Variants in GPR149 observed in about 807,000 individuals in gnomAD.
The protein encoded by GPR149 is G protein-coupled receptor 149.
In GPR149, 50 loss-of-function variants were observed where a neutral mutation model predicts 50.2. The ratio of observed to expected loss-of-function variants is 1.00; its 90% CI spans 0.79 to 1.26. GPR149 has a LOEUF of 1.26. Ranked by LOEUF, GPR149 falls within the 50% of genes most tolerant of loss-of-function variation. The pLI, the probability that GPR149 is intolerant of heterozygous loss-of-function variation, is 0.00. For missense variants in GPR149, 983 were observed against 895.4 expected (o/e 1.10, Z -1.25); for synonymous variants, 405 against 358.2 (o/e 1.13, Z -1.48).
rs116840639 is a variant in GPR149 at position 154,347,235 on chromosome 3, C to T, written c.1624-8964G>A. Among the ~76,000 whole-genome samples, 1,197 of 152,234 alleles carry T rather than the reference C, an allele frequency of 7.9e-3. 17 individuals carry two copies. Among genetic ancestry groups the T allele is most frequent in the African/African-American group, 0.028 (1,150 of 41,522 alleles). Reference sequence around the variant, plus strand: ...CCCATGCTGCTAATAAAGACACACACGAGGCTAGGTAATTTATAAAAGAAA... The same window carrying T: ...CCCATGCTGCTAATAAAGACACACATGAGGCTAGGTAATTTATAAAAGAAA... On this transcript the variant is annotated intron_variant, in intron 3 of 3. Coordinates refer to ENST00000389740, the MANE Select transcript of GPR149 (RefSeq NM_001038705.3).
Position 154,389,781 on chromosome 3 carries a change from T to C in GPR149, c.1623+31258A>G, listed in dbSNP as rs1313307092. On this transcript the variant is annotated intron_variant, in intron 3 of 3. Transcript: ENST00000389740. ...AGAGGATTAATGAAATCTGGCATATTATAGCTACCTGGGAGCTAATGAGAC... is the reference window on the plus strand; with the variant it reads ...AGAGGATTAATGAAATCTGGCATATCATAGCTACCTGGGAGCTAATGAGAC... 2.6e-5 allele frequency among the ~76,000 whole-genome samples: 4 copies of C among 152,164 alleles called. No individual in the cohort carries two copies. The East Asian group carries it at 7.7e-4, about 29-fold the overall frequency.
chr3:154,368,350 T>C (rs1714590338), intron 3 of GPR149, among the ~76,000 whole-genome samples: 1 of 152,264 alleles, frequency 6.6e-6, no homozygotes, highest in African/African-American at 2.4e-5. Flanking sequence ...AGGATCCCTC[T>C]TCATGGTACC....
rs571325304 is a variant in GPR149, at chr3:154,344,795, C to T, written c.1624-6524G>A. On this transcript the variant is annotated intron_variant, in intron 3 of 3. Coordinates refer to ENST00000389740, the MANE Select transcript of GPR149 (RefSeq NM_001038705.3). ...CAAGAGCTTATAGAGGGAGCATGGT[C>T]TTCCCAACACCATATTTCAGACTTC... Among the ~76,000 whole-genome samples, 11 of 152,314 alleles carry T rather than the reference C, an allele frequency of 7.2e-5. No homozygotes were observed. In the East Asian group the frequency reaches 2.1e-3, roughly 29 times the overall value.
At position 154,337,544 on chromosome 3, in the gene GPR149, C is replaced by T. The variant is rs1713682771; in HGVS notation, c.*155G>A. On this transcript the variant is annotated 3_prime_UTR_variant, in exon 4 of 4. Coordinates refer to ENST00000389740, the MANE Select transcript of GPR149 (RefSeq NM_001038705.3). ...CACATCAAATGCACTTAAGTGTTTA[C>T]ACTAGTTCCAGTTGTTCCCACAAAA... 1 of 561,474 alleles carries T rather than the reference C, an allele frequency of 1.8e-6. No homozygotes were observed. 34.8% of individuals were successfully genotyped at this position (561,474 alleles called of 1,614,324 possible).
chr3:154,341,438 G>T (rs1713798731), intron 3 of GPR149, among the ~76,000 whole-genome samples: 2 of 149,204 alleles, frequency 1.3e-5, no homozygotes, highest in Middle Eastern at 3.5e-3. Context: ...AGAGAGTTTA[G>T]TAAGGTGGCT....
intron 3 of GPR149, among the ~76,000 whole-genome samples, chr3:154,350,357 G>A (rs1714045725): frequency 6.6e-6 from 1 of 152,100 alleles, no homozygotes; most frequent in African/African-American, 2.4e-5. Flanking sequence ...AAGGTCACAG[G>A]ATATAAGATA....
At chr3:154,343,937 C>T (rs555037139) in intron 3 of GPR149, among the ~76,000 whole-genome samples, 2 of 152,108 alleles carry the variant, frequency 1.3e-5, no homozygotes, top group Non-Finnish European at 1.5e-5. Flanking sequence ...CATGATCACG[C>T]CACTGCATTC....
chr3:154,362,822 T>G (rs2108396214), intron 3 of GPR149, among the ~76,000 whole-genome samples: 1 of 152,234 alleles, frequency 6.6e-6, no homozygotes, highest in East Asian at 1.9e-4. Context: ...ACAGTTGTTT[T>G]TCCCAAACAA....
chr3:154,426,532 C>T (rs1322621242), intron 2 of GPR149, among the ~76,000 whole-genome samples: 1 of 152,186 alleles, frequency 6.6e-6, no homozygotes, highest in African/African-American at 2.4e-5. Flanking sequence ...GTTAATGCAG[C>T]ATACACTAAT....
Position 154,364,874 on chromosome 3 carries a change from C to A in GPR149, c.1624-26603G>T, listed in dbSNP as rs1025903934. 3.9e-5 allele frequency among the ~76,000 whole-genome samples: 6 copies of A among 152,268 alleles called. No homozygotes were observed. The South Asian group carries it at 8.3e-4, about 21-fold the overall frequency. On this transcript the variant is annotated intron_variant, in intron 3 of 3. Transcript: ENST00000389740. ...TGGCAGTTCTAGAGTTCTGGAGTTT[C>A]AGGGCAGCCTTACTCCCACAGCTTC... is the stretch of plus-strand genomic sequence containing the variant.
At position 154,421,345 on chromosome 3, in the gene GPR149, T is replaced by A. The variant is rs761832080; in HGVS notation, c.1317A>T (p.Lys439Asn). The change falls in exon 3 of 4, where the codon AAA becomes AAT. Residue 439 changes from lysine to asparagine, a missense_variant. Coordinates refer to ENST00000389740, the MANE Select transcript of GPR149 (RefSeq NM_001038705.3). ...NLMNSECETT[K>N]DPQRDNRNIF... Reference sequence around the variant, plus strand: ...TGTTACGGTTGTCTCTCTGAGGGTCTTTTGTAGTTTCACACTCAGAGTTCA... The same window carrying A: ...TGTTACGGTTGTCTCTCTGAGGGTCATTTGTAGTTTCACACTCAGAGTTCA... The A allele has an allele frequency of 3.1e-6, 5 of 1,613,328 alleles. No individual in the cohort carries two copies. Among genetic ancestry groups the A allele is most frequent in the South Asian group, 1.1e-5 (1 of 91,048 alleles).
At chr3:154,361,960 A>G (rs1396895240) in intron 3 of GPR149, among the ~76,000 whole-genome samples, 1 of 152,164 alleles carries the variant, frequency 6.6e-6, no homozygotes, top group East Asian at 1.9e-4. Context: ...TTAGTAGTTT[A>G]GAATTGGAAG....
intron 3 of GPR149, among the ~76,000 whole-genome samples, chr3:154,355,175 G>C (rs756153400): frequency 6.6e-6 from 1 of 152,018 alleles, no homozygotes; most frequent in East Asian, 1.9e-4. Context: ...TTACAGGTCC[G>C]TGCCACCAGG....
intron 3 of GPR149, among the ~76,000 whole-genome samples, chr3:154,392,465 C>A (rs552465339): frequency 6.6e-6 from 1 of 151,848 alleles, no homozygotes; most frequent in Admixed American, 6.6e-5. Flanking sequence ...TTATAGCAGT[C>A]AATGCCTATA....
intron 3 of GPR149, among the ~76,000 whole-genome samples, chr3:154,418,707 C>A (rs1327812097): frequency 6.7e-6 from 1 of 148,642 alleles, no homozygotes; most frequent in Non-Finnish European, 1.5e-5. Flanking sequence ...GGAGATATAC[C>A]TAATGCTAGA....
At chr3:154,377,840 T>C (rs1714828331) in intron 3 of GPR149, among the ~76,000 whole-genome samples, 1 of 152,156 alleles carries the variant, frequency 6.6e-6, no homozygotes, top group African/African-American at 2.4e-5. Context: ...AATTGCTTCA[T>C]GCCCATTTTT....
intron 3 of GPR149, among the ~76,000 whole-genome samples, chr3:154,388,555 G>A (rs1715097200): frequency 6.6e-6 from 1 of 152,010 alleles, no homozygotes; most frequent in African/African-American, 2.4e-5. Context: ...GCTAATTTAG[G>A]AGTAATTTTC....
intron 3 of GPR149, chr3:154,354,035 T>C (rs1055851541): frequency 8.4e-5 from 38 of 452,424 alleles, no homozygotes; most frequent in Middle Eastern, 3.7e-4. Context: ...TATTCATCAA[T>C]ATTTCCATTT....
intron 3 of GPR149, among the ~76,000 whole-genome samples, chr3:154,346,039 T>C (rs1324518405): frequency 6.6e-6 from 1 of 152,170 alleles, no homozygotes; most frequent in Admixed American, 6.5e-5. Flanking sequence ...TAAGAGTCAG[T>C]TGTTGGTTTT....
Sources: gnomAD v4.1 joint callset for allele counts (sites outside exome capture counted in the v4.1 genomes callset) on GRCh38, gnomAD v4.1.1 for gene constraint, MANE v1.5 for transcripts, NCBI Gene and HGNC (gene_info 2026-07-23, HGNC 2026-07-21) for gene names.